Variants in FAM135B observed in about 807,000 individuals in gnomAD.
FAM135B encodes the protein family with sequence similarity 135 member B.
Under a neutral mutation model 127.7 loss-of-function variants are expected in FAM135B, and 43 were observed. That is an observed-to-expected ratio of 0.34 (90% CI 0.26 to 0.43). The LOEUF (loss-of-function observed/expected upper bound fraction) is 0.43, where lower values mean the gene tolerates loss of function less well. Ranked by LOEUF, FAM135B falls within the 20% of genes least tolerant of loss-of-function variation. The pLI, the probability that FAM135B is intolerant of heterozygous loss-of-function variation, is 1.00. For synonymous variants in FAM135B, 670 were observed against 665.1 expected (o/e 1.01, Z -0.11); for missense variants, 1,558 against 1,725.6 (o/e 0.90, Z 1.72).
chr8:138,301,203 AG>A (rs1228520147), intron 3 of FAM135B, among the ~76,000 whole-genome samples: 11 of 152,122 alleles, frequency 7.2e-5, no homozygotes, highest in Admixed American at 7.2e-4. Flanking sequence ...CTGTGGTTTG[AG>A]GGGGTACAGA....
chr8:138,185,992 C>T (rs908279769), intron 9 of FAM135B, among the ~76,000 whole-genome samples: 5 of 152,186 alleles, frequency 3.3e-5, no homozygotes, highest in Admixed American at 1.3e-4. Context: ...AGTACCCACG[C>T]TGCTTCAGTC....
intron 4 of FAM135B, among the ~76,000 whole-genome samples, chr8:138,261,842 T>C (rs1182099745): frequency 4.6e-5 from 7 of 152,222 alleles, no homozygotes; most frequent in South Asian, 2.1e-4. Flanking sequence ...ATGTCTGTTG[T>C]TCACAATGAT....
In FAM135B at chr8:138,243,483, C is replaced by T. The variant is rs771397648; in HGVS notation, c.543-415G>A. ...CACCAACTCCTCCCTCCCTGGACCT[C>T]TTTTCTTCTGTGGAAAAGCATAAAA... On this transcript the variant is annotated intron_variant, in intron 6 of 19. Coordinates refer to ENST00000395297, the MANE Select transcript of FAM135B (RefSeq NM_015912.4). This position sits in a 1 kb window ranked among gnomAD's most constrained non-coding sequence, Gnocchi z 7.5. 3.3e-5 allele frequency among the ~76,000 whole-genome samples: 5 copies of T among 152,200 alleles called. No homozygotes were observed. Among genetic ancestry groups the T allele is most frequent in the Non-Finnish European group, 5.9e-5 (4 of 68,044 alleles).
At chr8:138,446,469 G>T (rs1274005234) in intron 1 of FAM135B, among the ~76,000 whole-genome samples, 13 of 152,094 alleles carry the variant, frequency 8.5e-5, no homozygotes, top group Non-Finnish European at 1.5e-4. Flanking sequence ...ATAGACCAAT[G>T]GAACAGAACA....
intron 5 of FAM135B, among the ~76,000 whole-genome samples, chr8:138,255,184 T>C (rs1821982118): frequency 6.6e-6 from 1 of 152,052 alleles, no homozygotes; most frequent in East Asian, 1.9e-4. Context: ...CATGAGCCAC[T>C]GCCCCTGGCC....
At chr8:138,236,139 C>T (rs1203620812) in intron 7 of FAM135B, among the ~76,000 whole-genome samples, 1 of 152,156 alleles carries the variant, frequency 6.6e-6, no homozygotes, top group Non-Finnish European at 1.5e-5. Context: ...GCATCCAACA[C>T]TCATTTACTC....
rs548900714 is a variant in FAM135B, at chr8:138,154,431, T to C, written c.1259-1215A>G. On this transcript the variant is annotated intron_variant, in intron 12 of 19. Coordinates refer to ENST00000395297, the MANE Select transcript of FAM135B (RefSeq NM_015912.4). ...TCACCAGCAACAGAACAAAGTTGGATGGAGAATGACTTTGAGGAGTTGACG... is the reference window on the plus strand; with the variant it reads ...TCACCAGCAACAGAACAAAGTTGGACGGAGAATGACTTTGAGGAGTTGACG... Among the ~76,000 whole-genome samples the C allele has an allele frequency of 1.1e-4, 16 of 152,260 alleles. No homozygotes were observed. The South Asian group carries it at 2.7e-3, about 26-fold the overall frequency.
At chr8:138,208,210 T>C (rs1269775097) in intron 7 of FAM135B, among the ~76,000 whole-genome samples, 1 of 152,146 alleles carries the variant, frequency 6.6e-6, no homozygotes, top group Non-Finnish European at 1.5e-5. Flanking sequence ...AGGGTTCGAA[T>C]AGGTCAGTGA....
chr8:138,179,219 A>G lies in FAM135B; in HGVS notation c.874-529T>C, dbSNP rs539697826. On this transcript the variant is annotated intron_variant, in intron 9 of 19. Transcript: ENST00000395297. ...TTTATGACGTCTTCACAGTTGCCCC[A>G]GCTGGAAACCTTTTACTCACATTCT... Among the ~76,000 whole-genome samples, 3 of 152,276 alleles carry G rather than the reference A, an allele frequency of 2.0e-5. No homozygotes were observed. In the East Asian group the frequency reaches 5.8e-4, roughly 29 times the overall value.
At chr8:138,319,926 G>A (rs953923322) in intron 2 of FAM135B, among the ~76,000 whole-genome samples, 2 of 152,188 alleles carry the variant, frequency 1.3e-5, no homozygotes, top group Admixed American at 1.3e-4. Context: ...GCAAGAGACA[G>A]AGAGAGAGGG....
chr8:138,275,062 T>G (rs1823714690), intron 3 of FAM135B, among the ~76,000 whole-genome samples: 2 of 152,154 alleles, frequency 1.3e-5, no homozygotes. Context: ...GGGGAAGTGA[T>G]AAGTGTCCAT....
intron 1 of FAM135B, among the ~76,000 whole-genome samples, chr8:138,435,480 A>T (rs1835409884): frequency 6.6e-6 from 1 of 152,150 alleles, no homozygotes; most frequent in Non-Finnish European, 1.5e-5. Context: ...CTGCTTTATG[A>T]TGCAGTAGCC....
At chr8:138,389,754 T>C (rs1832437181) in intron 1 of FAM135B, among the ~76,000 whole-genome samples, 1 of 152,190 alleles carries the variant, frequency 6.6e-6, no homozygotes. Flanking sequence ...TTGGACAATA[T>C]TGCGGATATG....
At chr8:138,219,532 C>G (rs13259055) in intron 7 of FAM135B, among the ~76,000 whole-genome samples, 108,139 of 152,034 alleles carry the variant, frequency 0.71, 38,598 homozygotes, top group East Asian at 0.83. Flanking sequence ...ATAAAATCTG[C>G]GTAAATATTT....
intron 7 of FAM135B, among the ~76,000 whole-genome samples, chr8:138,237,653 C>G (rs1210950967): frequency 2.0e-5 from 3 of 152,180 alleles, no homozygotes; most frequent in African/African-American, 7.2e-5. Context: ...AGATAACCCT[C>G]AGTCGTATGG....
At chr8:138,361,360 T>G (rs1441989475) in intron 2 of FAM135B, among the ~76,000 whole-genome samples, 1 of 152,206 alleles carries the variant, frequency 6.6e-6, no homozygotes, top group African/African-American at 2.4e-5. Flanking sequence ...TTAATGAAGA[T>G]CCATGTGACT....
intron 1 of FAM135B, among the ~76,000 whole-genome samples, chr8:138,436,354 A>T (rs1312132639): frequency 6.6e-6 from 1 of 152,114 alleles, no homozygotes; most frequent in Non-Finnish European, 1.5e-5. Flanking sequence ...TTTTTTATGC[A>T]ATGCATAGCG....
At chr8:138,246,007 C>T (rs1488820130) in intron 6 of FAM135B, among the ~76,000 whole-genome samples, 1 of 152,132 alleles carries the variant, frequency 6.6e-6, no homozygotes, top group African/African-American at 2.4e-5. Context: ...TCTTGCTATG[C>T]TTTAGCAAAG....
intron 9 of FAM135B, among the ~76,000 whole-genome samples, 192 bp downstream of exon 9, chr8:138,195,066 A>G (rs562049125): frequency 1.3e-5 from 2 of 152,362 alleles, no homozygotes; most frequent in Admixed American, 1.3e-4. Flanking sequence ...CAAAATATCT[A>G]GCAAGGCACA....
Sources: gnomAD v4.1 joint callset for allele counts (sites outside exome capture counted in the v4.1 genomes callset) on GRCh38, gnomAD v4.1.1 for gene constraint, Gnocchi (gnomAD v3.1) non-coding constraint, MANE v1.5 for transcripts, NCBI Gene and HGNC (gene_info 2026-07-23, HGNC 2026-07-21) for gene names.